Variants in DLC1 observed in about 807,000 individuals in gnomAD.
DLC1 encodes the protein DLC1 Rho GTPase activating protein.
In DLC1, 54 loss-of-function variants were observed where a neutral mutation model predicts 140.3. That is an observed-to-expected ratio of 0.38 (90% CI 0.31 to 0.48). The LOEUF (loss-of-function observed/expected upper bound fraction) is 0.48. Ranked by LOEUF, DLC1 falls within the 20% of genes least tolerant of loss-of-function variation. The pLI is 0.96. For missense variants in DLC1, 2,536 were observed against 1,907.0 expected (o/e 1.33, Z -6.14); for synonymous variants, 986 against 728.1 (o/e 1.35, Z -5.70).
At chr8:13,386,644 ATT>A (rs1022264685) in intron 4 of DLC1, among the ~76,000 whole-genome samples, 1 of 152,200 alleles carries the variant, frequency 6.6e-6, no homozygotes, top group African/African-American at 2.4e-5. Context: ...CCGTGGAAAT[ATT>A]TCTGTTTTTC....
At chr8:13,334,592 G>A (rs1833744619) in intron 4 of DLC1, among the ~76,000 whole-genome samples, 1 of 152,158 alleles carries the variant, frequency 6.6e-6, no homozygotes, top group South Asian at 2.1e-4. Context: ...CAAGGACAAG[G>A]CAAGAGGAAA....
chr8:13,423,150 A>G (rs552655905), intron 2 of DLC1, among the ~76,000 whole-genome samples: 12 of 152,312 alleles, frequency 7.9e-5, no homozygotes, highest in Middle Eastern at 6.8e-3. Context: ...TGCCTTGTCT[A>G]CCAAGTTTGG....
intron 3 of DLC1, 139 bp from the exon 4 acceptor site, chr8:13,393,832 G>A: frequency 2.1e-6 from 2 of 969,274 alleles, no homozygotes; most frequent in Non-Finnish European, 3.1e-6. Context: ...AACTGACAGT[G>A]ACGTGTCACA....
intron 4 of DLC1, among the ~76,000 whole-genome samples, chr8:13,348,555 G>A (rs1332907314): frequency 6.6e-6 from 1 of 152,174 alleles, no homozygotes; most frequent in African/African-American, 2.4e-5. Flanking sequence ...GAAAGATGAT[G>A]AACACTTTTT....
intron 1 of DLC1, among the ~76,000 whole-genome samples, chr8:13,524,624 C>G (rs1380691940): frequency 6.6e-6 from 1 of 152,002 alleles, no homozygotes; most frequent in Non-Finnish European, 1.5e-5. Context: ...CATCTGGGTG[C>G]AGGAGAACAG....
chr8:13,261,515 T>G (rs1830467693), intron 5 of DLC1, among the ~76,000 whole-genome samples: 1 of 152,128 alleles, frequency 6.6e-6, no homozygotes, highest in South Asian at 2.1e-4. Flanking sequence ...AATATCACTC[T>G]GGTCGTCATG....
chr8:13,405,033 G>A (rs1487235564), intron 2 of DLC1, among the ~76,000 whole-genome samples: 1 of 151,466 alleles, frequency 6.6e-6, no homozygotes, highest in Admixed American at 6.6e-5. Context: ...TAAATTTTGT[G>A]TACTTCTGGA....
intron 5 of DLC1, among the ~76,000 whole-genome samples, chr8:13,122,148 C>T (rs1471184122): frequency 2.0e-5 from 3 of 152,178 alleles, no homozygotes; most frequent in Non-Finnish European, 4.4e-5. Flanking sequence ...TTATGAAACA[C>T]ATATTTCATT....
intron 5 of DLC1, among the ~76,000 whole-genome samples, chr8:13,299,163 A>T (rs1832080977): frequency 6.6e-6 from 1 of 151,522 alleles, no homozygotes; most frequent in Admixed American, 6.6e-5. Flanking sequence ...AAAAATGTGG[A>T]TGGGTGGGGT....
At chr8:13,503,359 G>A (rs368882019) in intron 1 of DLC1, among the ~76,000 whole-genome samples, 4 of 152,090 alleles carry the variant, frequency 2.6e-5, no homozygotes, top group African/African-American at 4.8e-5. Context: ...AGCCATGATC[G>A]CACCACTGCA....
At chr8:13,374,054 C>T (rs866280987) in intron 4 of DLC1, among the ~76,000 whole-genome samples, 3 of 152,102 alleles carry the variant, frequency 2.0e-5, no homozygotes, top group Admixed American at 6.5e-5. Flanking sequence ...TATAGGGACT[C>T]ATAATGTGAT....
intron 5 of DLC1, among the ~76,000 whole-genome samples, chr8:13,152,703 G>T (rs1166848429): frequency 6.6e-6 from 1 of 151,400 alleles, no homozygotes; most frequent in Admixed American, 6.6e-5. Flanking sequence ...GCTACTGGGG[G>T]TGGGTTGGTA....
At chr8:13,111,518 C>A (rs1405194412) in intron 6 of DLC1, among the ~76,000 whole-genome samples, 4 of 152,108 alleles carry the variant, frequency 2.6e-5, no homozygotes, top group Admixed American at 6.5e-5. Context: ...TGTATCAGAA[C>A]TGAAAACCAG....
At chr8:13,217,678 C>CA (rs571144370) in intron 5 of DLC1, among the ~76,000 whole-genome samples, 5,184 of 148,012 alleles carry the variant, frequency 0.035, 286 homozygotes, top group African/African-American at 0.12. Context: ...ACTAAAAATA[C>CA]AAAAAAAAAA....
chr8:13,561,749 A>C (rs762544077), intron 1 of DLC1, among the ~76,000 whole-genome samples: 1 of 152,222 alleles, frequency 6.6e-6, no homozygotes, highest in South Asian at 2.1e-4. Flanking sequence ...TCAAAACATT[A>C]CAGAACTATG....
chr8:13,439,707 A>C (rs1355078152), intron 2 of DLC1, among the ~76,000 whole-genome samples: 1 of 152,106 alleles, frequency 6.6e-6, no homozygotes, highest in Non-Finnish European at 1.5e-5. Flanking sequence ...GACCACAACT[A>C]GTTGGTCGAG....
At chr8:13,247,738 C>T (rs1288963435) in intron 5 of DLC1, among the ~76,000 whole-genome samples, 1 of 152,114 alleles carries the variant, frequency 6.6e-6, no homozygotes, top group East Asian at 1.9e-4. Context: ...TATGATCAAA[C>T]AAGTGCAAAA....
chr8:13,464,749 TATATATATATATATATTTATA>T (rs1799846957), intron 2 of DLC1, among the ~76,000 whole-genome samples: 127 of 60,586 alleles, frequency 2.1e-3, no homozygotes, highest in Non-Finnish European at 3.4e-3. Context: ...TTTTAAATTA[TATATATATATATATATTTATA>T]TATATATATA....
chr8:13,534,617 T>C (rs1306091974), intron 1 of DLC1, among the ~76,000 whole-genome samples: 1 of 152,108 alleles, frequency 6.6e-6, no homozygotes, highest in African/African-American at 2.4e-5. Flanking sequence ...AAGGTACTGA[T>C]CTCTAGGAAA....
Sources: gnomAD v4.1 joint callset for allele counts (sites outside exome capture counted in the v4.1 genomes callset) on GRCh38, gnomAD v4.1.1 for gene constraint, MANE v1.5 for transcripts, NCBI Gene and HGNC (gene_info 2026-07-23, HGNC 2026-07-21) for gene names.